ACOT7: variants seen among roughly 807,000 people sequenced by gnomAD.
The protein encoded by ACOT7 is cytosolic acyl coenzyme A thioester hydrolase.
Under a neutral mutation model 40.2 loss-of-function variants are expected in ACOT7, and 12 were observed. That is an observed-to-expected ratio of 0.30 (90% CI 0.19 to 0.48). The LOEUF (loss-of-function observed/expected upper bound fraction) is 0.48, where lower values mean the gene tolerates loss of function less well. Among genes scored for constraint, ACOT7 ranks in the 20% least tolerant of loss-of-function variants. ACOT7 has a pLI of 0.99. For missense variants in ACOT7, 395 were observed against 530.8 expected (o/e 0.74, Z 2.51); for synonymous variants, 228 against 219.5 (o/e 1.04, Z -0.34).
chr1:6,267,259 C>T (rs1434960432), intron 8 of ACOT7, among the ~76,000 whole-genome samples: 3 of 152,186 alleles, frequency 2.0e-5, no homozygotes, highest in Admixed American at 6.5e-5. Context: ...GAAACTTGGT[C>T]CCCAAGTGCC....
chr1:6,362,078 A>G (rs1302562507), intron 1 of ACOT7, among the ~76,000 whole-genome samples: 1 of 152,214 alleles, frequency 6.6e-6, no homozygotes, highest in Non-Finnish European at 1.5e-5. Context: ...TCTGGTTTCT[A>G]CTTTTCTGGG....
chr1:6,276,870 T>C (rs964451881), intron 8 of ACOT7, among the ~76,000 whole-genome samples: 1 of 151,962 alleles, frequency 6.6e-6, no homozygotes, highest in South Asian at 2.1e-4. Context: ...ACAGCGTAGA[T>C]CAACATGACG....
Position 6,338,720 on chromosome 1 carries a change from G to T in ACOT7, c.418+713C>A, listed in dbSNP as rs527563260. On this transcript the variant is annotated intron_variant, in intron 3 of 8. Coordinates refer to ENST00000361521, the MANE Select transcript of ACOT7 (RefSeq NM_007274.4). The surrounding 1 kb of genome is among the most constrained non-coding windows in gnomAD (Gnocchi z 4.4). ...CAGGCATGGGGAAGAGGAGGAAACC[G>T]GCCCAGCCTCTCTGCATGGGAGGAC... 6.6e-6 allele frequency among the ~76,000 whole-genome samples: 1 copy of T among 152,138 alleles called. No homozygotes were observed. The highest frequency in any genetic ancestry group is 1.5e-5 in the Non-Finnish European group (1 of 68,032).
rs546283558 is a variant in ACOT7, at chr1:6,381,493, A to G, written c.143+11764T>C. On this transcript the variant is annotated intron_variant, in intron 1 of 8. Coordinates refer to ENST00000361521, the MANE Select transcript of ACOT7 (RefSeq NM_007274.4). Reference sequence around the variant, plus strand: ...AAACCACAATGAAACACCACTTCACACCCATTAGGATGGCAACTATCAAAA... The same window carrying G: ...AAACCACAATGAAACACCACTTCACGCCCATTAGGATGGCAACTATCAAAA... 3.7e-4 allele frequency among the ~76,000 whole-genome samples: 56 copies of G among 151,720 alleles called. 1 individual carries two copies. Among genetic ancestry groups the G allele is most frequent in the Non-Finnish European group, 6.6e-4 (45 of 67,870 alleles).
In ACOT7 at chr1:6,323,738, ATATAT is replaced by A. The variant is rs1206577127; in HGVS notation, c.625+3556_625+3560del. Among the ~76,000 whole-genome samples the A allele has an allele frequency of 4.8e-3, 162 of 33,534 alleles. 2 individuals are homozygous for A. The highest frequency in any genetic ancestry group is 0.014 in the African/African-American group (140 of 10,136). 22.0% of individuals were successfully genotyped at this position (33,534 alleles called of 152,430 possible). The stretch of plus-strand genomic sequence containing the variant: ...TCTCAAAAAAAAAAAAAAAAAAAAA[ATATAT>A]ATATATATATATATATATATATATA... On this transcript the variant is annotated intron_variant, in intron 5 of 8. Coordinates refer to ENST00000361521, the MANE Select transcript of ACOT7 (RefSeq NM_007274.4).
At position 6,292,666 on chromosome 1, in the gene ACOT7, T is replaced by G. The variant is rs191792516; in HGVS notation, c.829+2198A>C. Among the ~76,000 whole-genome samples the G allele has an allele frequency of 6.8e-3, 935 of 138,124 alleles. 9 individuals carry two copies. Among genetic ancestry groups the G allele is most frequent in the African/African-American group, 0.027 (903 of 33,162 alleles). 90.6% of individuals were successfully genotyped at this position (138,124 alleles called of 152,430 possible). On this transcript the variant is annotated intron_variant, in intron 7 of 8. Coordinates refer to ENST00000361521, the MANE Select transcript of ACOT7 (RefSeq NM_007274.4). ...CAAGGAGTTAAGGGTGGGGACTTTG[T>G]TTTTTTTTTGTTTTTTTGTGTTTTT...
intron 7 of ACOT7, among the ~76,000 whole-genome samples, chr1:6,293,830 CA>C (rs1355472498): frequency 1.3e-5 from 2 of 152,240 alleles, no homozygotes; most frequent in African/African-American, 4.8e-5. Flanking sequence ...GGGAGGGAGG[CA>C]GCCCTCCACC....
chr1:6,314,722 A>G (rs971056709), intron 6 of ACOT7, among the ~76,000 whole-genome samples: 1 of 152,188 alleles, frequency 6.6e-6, no homozygotes, highest in Non-Finnish European at 1.5e-5. Flanking sequence ...CCAAAAGCCC[A>G]GTTTGCCCTC....
At chr1:6,368,943 C>T (rs1642072942) in intron 1 of ACOT7, among the ~76,000 whole-genome samples, 1 of 152,214 alleles carries the variant, frequency 6.6e-6, no homozygotes, top group South Asian at 2.1e-4. Context: ...GTCATTTCAG[C>T]AATGTTCATG....
At chr1:6,356,964 C>T (rs1334701269) in intron 1 of ACOT7, among the ~76,000 whole-genome samples, 5 of 149,192 alleles carry the variant, frequency 3.4e-5, no homozygotes, top group East Asian at 2.0e-4. Context: ...TGTGGCTGGA[C>T]GCAGTGGCTC....
chr1:6,341,891 G>A (rs1641287614), intron 2 of ACOT7, among the ~76,000 whole-genome samples: 1 of 152,178 alleles, frequency 6.6e-6, no homozygotes, highest in Non-Finnish European at 1.5e-5. Context: ...TTGGCAGCTG[G>A]GTCCCATGTG....
In ACOT7 at chr1:6,339,482, C is replaced by T. The variant is rs1172529068; in HGVS notation, c.369G>A (p.Lys123=). ...CGTTGACCTGCACCTCCACAGAGTGCTTGGAGGTGTAGGTGATCTCCGCGC... is the reference window on the plus strand; with the variant it reads ...CGTTGACCTGCACCTCCACAGAGTGTTTGGAGGTGTAGGTGATCTCCGCGC... ...HVSAEITYTS[K]HSVEVQVNVM... Residue 123 remains lysine (K), a synonymous_variant, in exon 3 of 9, where the codon AAG becomes AAA. Transcript: ENST00000361521. 1 of 1,613,754 alleles carries T rather than the reference C, an allele frequency of 6.2e-7. No individual in the cohort carries two copies. Among genetic ancestry groups the T allele is most frequent in the East Asian group, 2.2e-5 (1 of 44,868 alleles).
intron 6 of ACOT7, among the ~76,000 whole-genome samples, chr1:6,313,448 C>A (rs548810863): frequency 6.6e-6 from 1 of 152,196 alleles, no homozygotes; most frequent in Admixed American, 6.5e-5. Flanking sequence ...TTCCCCACAC[C>A]CTGCTCAGCC....
At chr1:6,390,695 G>A (rs1235296100) in intron 1 of ACOT7, among the ~76,000 whole-genome samples, 39 of 148,036 alleles carry the variant, frequency 2.6e-4, no homozygotes, top group Middle Eastern at 4.2e-3. Flanking sequence ...CAGCACTTTG[G>A]GAGGCCGAGG....
At chr1:6,387,212 A>G (rs896211130) in intron 1 of ACOT7, among the ~76,000 whole-genome samples, 3 of 152,056 alleles carry the variant, frequency 2.0e-5, no homozygotes, top group Admixed American at 1.3e-4. Flanking sequence ...GAAATATTCG[A>G]CATCACAACT....
intron 1 of ACOT7, among the ~76,000 whole-genome samples, chr1:6,391,734 A>G (rs1434777570): frequency 2.6e-5 from 4 of 152,154 alleles, no homozygotes; most frequent in Non-Finnish European, 5.9e-5. Flanking sequence ...GACCTTACAC[A>G]GTTACTCAAC....
At chr1:6,268,038 G>A (rs1391225336) in intron 8 of ACOT7, among the ~76,000 whole-genome samples, 2 of 152,238 alleles carry the variant, frequency 1.3e-5, no homozygotes, top group African/African-American at 4.8e-5. Context: ...ATGTCCAGGA[G>A]AGACATATAC....
intron 3 of ACOT7, among the ~76,000 whole-genome samples, chr1:6,333,894 C>T (rs1231874330): frequency 6.6e-6 from 1 of 152,174 alleles, no homozygotes; most frequent in Admixed American, 6.5e-5. Flanking sequence ...CCCAGCCCCT[C>T]CCAACGCACC....
intron 7 of ACOT7, among the ~76,000 whole-genome samples, chr1:6,292,435 C>T (rs1356875033): frequency 6.6e-6 from 1 of 152,228 alleles, no homozygotes; most frequent in Non-Finnish European, 1.5e-5. Context: ...ATTAAGTCCC[C>T]CCGTTAGCCT....
Sources: gnomAD v4.1 joint callset for allele counts (sites outside exome capture counted in the v4.1 genomes callset) on GRCh38, gnomAD v4.1.1 for gene constraint, Gnocchi (gnomAD v3.1) non-coding constraint, MANE v1.5 for transcripts, NCBI Gene and HGNC (gene_info 2026-07-23, HGNC 2026-07-21) for gene names.